ZNF717: variants seen among roughly 807,000 people sequenced by gnomAD.
ZNF717 encodes the protein zinc finger protein 717.
ZNF717 carries 9 observed loss-of-function variants against 13.8 expected under a neutral mutation model. That is an observed-to-expected ratio of 0.65 (90% CI 0.39 to 1.14). ZNF717 has a LOEUF of 1.14. ZNF717 is among the 50% of genes most tolerant of loss of function. ZNF717 has a pLI of 0.01. For synonymous variants in ZNF717, 327 were observed against 364.1 expected, an observed-to-expected ratio of 0.90 and a Z score of 1.16; for missense variants, 1,040 against 1,080.7, an observed-to-expected ratio of 0.96 and a Z score of 0.53.
chr3:75,726,132 T>C (rs1938274038), downstream of ZNF717, among the ~76,000 whole-genome samples: 1 of 152,260 alleles, frequency 6.6e-6, no homozygotes, highest in African/African-American at 2.4e-5. Flanking sequence ...AATAGGATTT[T>C]AAAATAAGTT....
intron 2 of ZNF717, among the ~76,000 whole-genome samples, chr3:75,763,271 G>A (rs189872848): frequency 1.8e-4 from 28 of 152,292 alleles, no homozygotes; most frequent in East Asian, 1.7e-3. Context: ...CCAGTTGAGC[G>A]TCCCTTATTT....
intron 2 of ZNF717, among the ~76,000 whole-genome samples, chr3:75,742,274 T>C (rs1940568725): frequency 6.9e-6 from 1 of 144,830 alleles, no homozygotes; most frequent in Non-Finnish European, 1.5e-5. Context: ...CAGTGAGTTA[T>C]GATCACACCA....
At chr3:75,722,586 G>C (rs77914281) in intron 4 of ZNF717, among the ~76,000 whole-genome samples, 1 of 151,716 alleles carries the variant, frequency 6.6e-6, no homozygotes, top group Admixed American at 6.6e-5. Context: ...AGGCTGAGGC[G>C]GGCGGATCAC....
At chr3:75,770,295 T>G (rs1943788576) in intron 2 of ZNF717, among the ~76,000 whole-genome samples, 1 of 152,240 alleles carries the variant, frequency 6.6e-6, no homozygotes, top group South Asian at 2.1e-4. Context: ...GCACGGTGGC[T>G]CACGCCTGCA....
chr3:75,733,248 A>G (rs2106931748), downstream of ZNF717, among the ~76,000 whole-genome samples: 1 of 152,336 alleles, frequency 6.6e-6, no homozygotes, highest in South Asian at 2.1e-4. Flanking sequence ...AGTGATGAGA[A>G]TACTAGAAGG....
chr3:75,733,286 G>A (rs1325915866), downstream of ZNF717, among the ~76,000 whole-genome samples: 1 of 152,358 alleles, frequency 6.6e-6, no homozygotes, highest in East Asian at 1.9e-4. Flanking sequence ...AGAAACATCT[G>A]CAACAATCAT....
chr3:75,726,760 G>A (rs1282976681), downstream of ZNF717, among the ~76,000 whole-genome samples: 1 of 152,236 alleles, frequency 6.6e-6, no homozygotes, highest in Non-Finnish European at 1.5e-5. Flanking sequence ...TAACAAAAAT[G>A]TATGCACCTT....
intron 2 of ZNF717, among the ~76,000 whole-genome samples, chr3:75,780,186 A>G (rs1312537056): frequency 6.6e-6 from 1 of 152,152 alleles, no homozygotes; most frequent in Non-Finnish European, 1.5e-5. Flanking sequence ...TGGAACCCAA[A>G]ACAATGGGAG....
intron 2 of ZNF717, among the ~76,000 whole-genome samples, chr3:75,760,286 C>T (rs7613110): frequency 0.16 from 24,257 of 151,364 alleles, 786 homozygotes; most frequent in African/African-American, 0.18. Context: ...TCAGATGATC[C>T]GCCCGCCTCG....
chr3:75,739,167 T>A lies in ZNF717; in HGVS notation c.456A>T (p.Ser152=). 6.4e-7 allele frequency: 1 copy of A among 1,551,146 alleles called. No individual in the cohort carries two copies. The highest frequency in any genetic ancestry group is 8.7e-7 in the Non-Finnish European group (1 of 1,146,742). Residue 152 remains serine (S), a synonymous_variant, in exon 5 of 5, where the codon TCA becomes TCT. Coordinates refer to ENST00000652011, the MANE Select transcript of ZNF717 (RefSeq NM_001290208.3). ...LNLIINNGNS[S]GMKPGQFNDC... ...CATTAAACTGCCCAGGCTTCATTCC[T>A]GAACTGTTTCCATTATTTATAATCA... is the stretch of plus-strand genomic sequence containing the variant.
intron 2 of ZNF717, among the ~76,000 whole-genome samples, chr3:75,763,630 T>C (rs1943204661): frequency 6.6e-6 from 1 of 152,246 alleles, no homozygotes; most frequent in Non-Finnish European, 1.5e-5. Context: ...TAAGTGCTAG[T>C]TCTCTGCCAA....
chr3:75,774,386 A>G (rs1308368574), intron 2 of ZNF717, among the ~76,000 whole-genome samples: 2 of 152,072 alleles, frequency 1.3e-5, no homozygotes, highest in Non-Finnish European at 2.9e-5. Context: ...AGGCTTCCCA[A>G]AATCAAATTT....
chr3:75,702,255 G>A (rs1375588503), intron 6 of ZNF717, among the ~76,000 whole-genome samples: 1 of 152,304 alleles, frequency 6.6e-6, no homozygotes, highest in Non-Finnish European at 1.5e-5. Context: ...GAGAAAATGT[G>A]GTACATATAC....
chr3:75,715,125 A>G (rs1224763071), intron 5 of ZNF717, among the ~76,000 whole-genome samples: 1 of 152,258 alleles, frequency 6.6e-6, no homozygotes, highest in Admixed American at 6.5e-5. Flanking sequence ...TGTGAACCAC[A>G]GTTTGGGTAA....
At chr3:75,707,270 C>T (rs1472379799), downstream of ZNF717, among the ~76,000 whole-genome samples, 6 of 152,094 alleles carry the variant, frequency 3.9e-5, no homozygotes, top group African/African-American at 1.4e-4. Flanking sequence ...AAATTCTTGC[C>T]ATATGAGTTA....
At chr3:75,740,724 G>C (rs1940295533) in intron 4 of ZNF717, among the ~76,000 whole-genome samples, 1 of 152,058 alleles carries the variant, frequency 6.6e-6, no homozygotes, top group Admixed American at 6.6e-5. Context: ...CTAGCTACTT[G>C]GGAGGCTAGG....
At chr3:75,768,203 G>A (rs1943628329) in intron 2 of ZNF717, among the ~76,000 whole-genome samples, 1 of 152,210 alleles carries the variant, frequency 6.6e-6, no homozygotes, top group East Asian at 1.9e-4. Context: ...AAAGAGAAAT[G>A]CTGACTGTTT....
intron 4 of ZNF717, among the ~76,000 whole-genome samples, chr3:75,723,248 C>CTTTT (rs112455865): frequency 0.055 from 4,818 of 88,374 alleles, 510 homozygotes; most frequent in African/African-American, 0.13. Context: ...GACAATCTCA[C>CTTTT]TTTTTTTTTT....
At chr3:75,771,250 A>G (rs1943848830) in intron 2 of ZNF717, among the ~76,000 whole-genome samples, 2 of 152,176 alleles carry the variant, frequency 1.3e-5, no homozygotes, top group Admixed American at 1.3e-4. Context: ...CACTGCTGAG[A>G]ACTGTAATGG....
Sources: gnomAD v4.1 joint callset for allele counts (sites outside exome capture counted in the v4.1 genomes callset) on GRCh38, gnomAD v4.1.1 for gene constraint, MANE v1.5 for transcripts, NCBI Gene and HGNC (gene_info 2026-07-23, HGNC 2026-07-21) for gene names.